Variants in KALRN observed in about 807,000 individuals in gnomAD.
KALRN encodes the protein kalirin RhoGEF kinase, also known as kalirin.
A neutral mutation model predicts 353.7 loss-of-function variants in KALRN; 70 were observed. The ratio of observed to expected loss-of-function variants is 0.20; its 90% CI spans 0.16 to 0.24. The LOEUF is 0.24. Among genes scored for constraint, KALRN ranks in the 10% least tolerant of loss-of-function variants. The probability of loss-of-function intolerance (pLI) is 1.00; values close to 1 mark genes in which losing one functional copy is unlikely to be tolerated. For synonymous variants in KALRN, 1,391 were observed against 1,434.8 expected, an observed-to-expected ratio of 0.97 and a Z score of 0.69; for missense variants, 2,791 against 3,756.7, an observed-to-expected ratio of 0.74 and a Z score of 6.72.
chr3:124,671,476 G>A (rs141815378), intron 47 of KALRN, among the ~76,000 whole-genome samples, 184 bp from the exon 48 acceptor site: 208 of 152,232 alleles, frequency 1.4e-3, no homozygotes, highest in African/African-American at 4.7e-3. Flanking sequence ...ATATGGCACC[G>A]TTTTGTTTTT....
chr3:124,519,907 T>C, intron 33 of KALRN: 2 of 983,982 alleles, frequency 2.0e-6, no homozygotes, highest in Non-Finnish European at 2.4e-6. Flanking sequence ...AGGCCCTTAA[T>C]TCTCTGCCAA....
intron 51 of KALRN, among the ~76,000 whole-genome samples, chr3:124,692,953 A>T (rs1447664710): frequency 6.6e-6 from 1 of 152,192 alleles, no homozygotes; most frequent in East Asian, 1.9e-4. Flanking sequence ...CCTCAAGAAG[A>T]TGTAGCTTTC....
At chr3:124,202,719 A>G (rs1411486823) in intron 1 of KALRN, among the ~76,000 whole-genome samples, 1 of 151,954 alleles carries the variant, frequency 6.6e-6, no homozygotes, top group Non-Finnish European at 1.5e-5. Context: ...ATTATTTCTT[A>G]CAACAGATAC....
rs773377308 is a variant in KALRN at position 124,492,731 on chromosome 3, G to A, written c.4690-9G>A. The stretch of plus-strand genomic sequence containing the variant: ...GGGGTTCTCAGTCTTTCTCCCTGTG[G>A]CACTCTAGGCCTCCAACATTGAAAC... On this transcript the variant is annotated splice_polypyrimidine_tract_variant and intron_variant, in intron 31 of 59. Coordinates refer to ENST00000682506, the MANE Select transcript of KALRN (RefSeq NM_001388419.1). The A allele has an allele frequency of 1.2e-6, 2 of 1,613,308 alleles. No homozygotes were observed.
chr3:124,275,973 C>T (rs1203214724), intron 5 of KALRN, among the ~76,000 whole-genome samples: 1 of 152,124 alleles, frequency 6.6e-6, no homozygotes, highest in East Asian at 1.9e-4. Flanking sequence ...CTTGAAGCAG[C>T]CCCAGAGAAA....
chr3:124,364,249 G>A lies in KALRN; in HGVS notation c.1770+16984G>A, dbSNP rs572223907. Among the ~76,000 whole-genome samples the A allele has an allele frequency of 1.1e-4, 16 of 152,294 alleles. No individual in the cohort carries two copies. The South Asian group carries it at 3.3e-3, about 32-fold the overall frequency. The stretch of plus-strand genomic sequence containing the variant: ...GGCTTTTGTGACTGTGAGGATTATG[G>A]TATAGTCTGTGGTCATGGAAGATAG... On this transcript the variant is annotated intron_variant, in intron 10 of 59. Coordinates refer to ENST00000682506, the MANE Select transcript of KALRN (RefSeq NM_001388419.1).
intron 34 of KALRN, among the ~76,000 whole-genome samples, chr3:124,580,668 C>T (rs1043867420): frequency 1.3e-5 from 2 of 152,186 alleles, no homozygotes; most frequent in Non-Finnish European, 2.9e-5. Flanking sequence ...GTCCTAGTAG[C>T]TAGCTTCAGA....
chr3:124,095,722 A>C (rs1439083900), intron 1 of KALRN: 1 of 152,246 alleles, frequency 6.6e-6, no homozygotes, highest in African/African-American at 2.4e-5. Flanking sequence ...TTCTTTTGTA[A>C]GGAAAAGCCA....
At chr3:124,309,457 A>C (rs1482375458) in intron 6 of KALRN, among the ~76,000 whole-genome samples, 1 of 152,178 alleles carries the variant, frequency 6.6e-6, no homozygotes, top group African/African-American at 2.4e-5. Flanking sequence ...GCTACTTGTG[A>C]GGCTGAGGCA....
intron 10 of KALRN, among the ~76,000 whole-genome samples, chr3:124,362,687 A>T (rs2068990): frequency 0.011 from 1,603 of 152,372 alleles, 65 homozygotes; most frequent in Admixed American, 0.076. Flanking sequence ...CCAAATATGG[A>T]TTGAAATAGC....
In KALRN at chr3:124,475,126, G is replaced by A. The variant is rs542222040; in HGVS notation, c.4101+394G>A. Among the ~76,000 whole-genome samples, 92 of 152,194 alleles carry A rather than the reference G, an allele frequency of 6.0e-4. 1 individual carries two copies. Among genetic ancestry groups the A allele is most frequent in the African/African-American group, 2.2e-3 (90 of 41,524 alleles). On this transcript the variant is annotated intron_variant, in intron 26 of 59. Transcript: ENST00000682506. Reference sequence around the variant, plus strand: ...ATGGTAGGTGTATATATTTATGGGGGAGACAAAATATTTTGATACAGGCAT... The same window carrying A: ...ATGGTAGGTGTATATATTTATGGGGAAGACAAAATATTTTGATACAGGCAT...
At chr3:124,229,052 A>G (rs777762061) in intron 2 of KALRN, among the ~76,000 whole-genome samples, 103 of 151,196 alleles carry the variant, frequency 6.8e-4, no homozygotes, top group Non-Finnish European at 7.1e-4. Context: ...CTATCTCAAG[A>G]TGGTTAACTT....
chr3:124,633,994 C>A, intron 36 of KALRN, 41 bp downstream of exon 36: 1 of 1,521,842 alleles, frequency 6.6e-7, no homozygotes, highest in Non-Finnish European at 9.1e-7. Context: ...AGCAACGTGC[C>A]GTGCGTGATT....
intron 33 of KALRN, among the ~76,000 whole-genome samples, chr3:124,510,429 T>C (rs2065771393): frequency 6.6e-6 from 1 of 152,128 alleles, no homozygotes; most frequent in East Asian, 1.9e-4. Flanking sequence ...GAAATAAAAC[T>C]GGAATGATTG....
chr3:124,504,585 G>C (rs769404634), intron 33 of KALRN, among the ~76,000 whole-genome samples: 58 of 152,214 alleles, frequency 3.8e-4, no homozygotes, highest in Non-Finnish European at 8.2e-4. Flanking sequence ...AGGGGCTTCA[G>C]GGTTGGCATG....
chr3:124,128,407 G>A (rs545179850), intron 1 of KALRN, among the ~76,000 whole-genome samples: 18 of 152,284 alleles, frequency 1.2e-4, no homozygotes, highest in East Asian at 1.9e-4. Flanking sequence ...TGGATTTTCC[G>A]TAGAGACTAT....
intron 15 of KALRN, among the ~76,000 whole-genome samples, chr3:124,424,827 A>T (rs1272099918): frequency 1.3e-5 from 2 of 152,132 alleles, no homozygotes; most frequent in Non-Finnish European, 2.9e-5. Context: ...GCCCATGGGG[A>T]GAAGTGGTGT....
chr3:124,244,204 C>A (rs1301749643), intron 3 of KALRN, among the ~76,000 whole-genome samples: 1 of 152,180 alleles, frequency 6.6e-6, no homozygotes, highest in Non-Finnish European at 1.5e-5. Flanking sequence ...GAGATAATAA[C>A]AATATATTAA....
At chr3:124,437,840 A>G (rs2093533234) in intron 17 of KALRN, among the ~76,000 whole-genome samples, 1 of 152,142 alleles carries the variant, frequency 6.6e-6, no homozygotes, top group Non-Finnish European at 1.5e-5. Context: ...CCCAAAGTCT[A>G]CTGAAGGAAA....
Sources: gnomAD v4.1 joint callset for allele counts (sites outside exome capture counted in the v4.1 genomes callset) on GRCh38, gnomAD v4.1.1 for gene constraint, MANE v1.5 for transcripts, NCBI Gene and HGNC (gene_info 2026-07-23, HGNC 2026-07-21) for gene names.